The following RIPOR3 variants were observed in gnomAD, a reference collection of about 807,000 sequenced individuals.
RIPOR3 encodes family with sequence similarity 65 member C.
In RIPOR3, 95 loss-of-function variants were observed where a neutral mutation model predicts 114.3. That is an observed-to-expected ratio of 0.83 (90% CI 0.70 to 0.99). The LOEUF is 0.99. Among genes scored for constraint, RIPOR3 ranks in the 50% least tolerant of loss-of-function variants. RIPOR3 has a pLI of 0.00. For missense variants in RIPOR3, 1,252 were observed against 1,266.9 expected (o/e 0.99, Z 0.18); for synonymous variants, 575 against 543.8 (o/e 1.06, Z -0.80).
chr20:50,597,667 A>G lies in RIPOR3; in HGVS notation c.1703T>C (p.Met568Thr), dbSNP rs773075762. The part of the protein sequence containing the change: ...RQEHTSAESL[M>T]ECILESFAFL... Reference sequence around the variant, plus strand: ...GGCGAAGCTCTCCAGGATGCACTCCATCAGGCTCTCGGCCGAGGTGTGCTC... The same window carrying G: ...GGCGAAGCTCTCCAGGATGCACTCCGTCAGGCTCTCGGCCGAGGTGTGCTC... Residue 568 changes from methionine to threonine, a missense_variant, in exon 14 of 22, where the codon ATG (methionine) becomes ACG (threonine). Physicochemically the swap from Met to Thr is moderately conservative, Grantham distance 81. Transcript: ENST00000327979. The G allele has an allele frequency of 1.2e-6, 2 of 1,612,418 alleles. No individual in the cohort carries two copies. Among genetic ancestry groups the G allele is most frequent in the East Asian group, 4.5e-5 (2 of 44,816 alleles).
rs976562747 is a variant in RIPOR3 at position 50,596,065 on chromosome 20, T to G, written c.1914+75A>C. 46 of 1,594,310 alleles carry G rather than the reference T, an allele frequency of 2.9e-5. No individual in the cohort carries two copies. The African/African-American group carries it at 5.8e-4, about 20-fold the overall frequency. ...TCACCCCTTCATGCTTCCCACCACC[T>G]TCAAGATGAGCCTTTGCAAAGAGGA... On this transcript the variant is annotated intron_variant, in intron 15 of 21. Transcript: ENST00000327979.
At position 50,680,497 on chromosome 20, in the gene RIPOR3, C is replaced by G. The variant is rs536226335; in HGVS notation, c.3+10629G>C. ...TAATTGGCAACAGAAATGGAATTTT[C>G]TTCCCCACCTCCCTAAAAAACATAA... is the stretch of plus-strand genomic sequence containing the variant. On this transcript the variant is annotated intron_variant, in intron 1 of 21. Transcript: ENST00000327979. 7.9e-5 allele frequency among the ~76,000 whole-genome samples: 12 copies of G among 152,374 alleles called. No individual in the cohort carries two copies. The East Asian group carries it at 2.3e-3, about 29-fold the overall frequency.
intron 2 of RIPOR3, among the ~76,000 whole-genome samples, chr20:50,624,497 G>T (rs752609682): frequency 2.0e-5 from 3 of 152,188 alleles, no homozygotes; most frequent in Admixed American, 1.3e-4. Context: ...TCCCGGGAAA[G>T]CTCTGAGCCT....
intron 1 of RIPOR3, among the ~76,000 whole-genome samples, chr20:50,633,409 T>A (rs913846377): frequency 3.3e-5 from 5 of 152,168 alleles, no homozygotes; most frequent in Non-Finnish European, 7.3e-5. Flanking sequence ...CAAGTTAGGG[T>A]TTCTGTCTGC....
intron 1 of RIPOR3, among the ~76,000 whole-genome samples, chr20:50,634,869 C>T (rs141212190): frequency 0.025 from 3,834 of 152,246 alleles, 167 homozygotes; most frequent in African/African-American, 0.088. Context: ...CCTGTCTCTA[C>T]TAAAAACACA....
At chr20:50,670,703 A>G (rs2086446613) in intron 1 of RIPOR3, among the ~76,000 whole-genome samples, 1 of 152,146 alleles carries the variant, frequency 6.6e-6, no homozygotes, top group Admixed American at 6.5e-5. Context: ...GAAGTGAGTC[A>G]ATGTATGATT....
chr20:50,679,783 C>T (rs1335609521), intron 1 of RIPOR3, among the ~76,000 whole-genome samples: 3 of 148,078 alleles, frequency 2.0e-5, no homozygotes, highest in African/African-American at 7.4e-5. Context: ...AAAAAAAAAC[C>T]GTCTCTACTA....
At chr20:50,605,788 G>GAA (rs1323549471) in intron 11 of RIPOR3, among the ~76,000 whole-genome samples, 2 of 130,936 alleles carry the variant, frequency 1.5e-5, no homozygotes, top group Non-Finnish European at 3.3e-5. Flanking sequence ...CAAAAAAAAA[G>GAA]AAAAAAAAAA....
chr20:50,599,780 G>T (rs1055884193), intron 13 of RIPOR3, among the ~76,000 whole-genome samples: 38 of 152,214 alleles, frequency 2.5e-4, no homozygotes, highest in African/African-American at 8.4e-4. Context: ...GAATCGCCTC[G>T]AGTATTGATT....
At position 50,597,726 on chromosome 20, in the gene RIPOR3, C is replaced by G; in HGVS notation, c.1660-16G>C. On this transcript the variant is annotated splice_polypyrimidine_tract_variant and intron_variant, in intron 13 of 21. Transcript: ENST00000327979. ...CTCTGCAGGGCTGTGGACGAAGTGGCCAGACCTGAGGGCAACACCGGGCCC... is the reference window on the plus strand; with the variant it reads ...CTCTGCAGGGCTGTGGACGAAGTGGGCAGACCTGAGGGCAACACCGGGCCC... The G allele has an allele frequency of 6.2e-7, 1 of 1,610,740 alleles. No homozygotes were observed. The highest frequency in any genetic ancestry group is 1.1e-5 in the South Asian group (1 of 90,498).
chr20:50,639,356 G>A (rs2085108641), intron 1 of RIPOR3, among the ~76,000 whole-genome samples: 1 of 152,176 alleles, frequency 6.6e-6, no homozygotes, highest in East Asian at 1.9e-4. Context: ...CTGGTACCCA[G>A]GAAGTCTGGC....
chr20:50,592,587 G>T, intron 18 of RIPOR3, 41 bp from the exon 19 acceptor site: 3 of 1,423,280 alleles, frequency 2.1e-6, no homozygotes, highest in South Asian at 3.2e-5. Flanking sequence ...CCCCTGAATG[G>T]GAGTTTGGCA....
At chr20:50,659,457 G>A (rs2085923625) in intron 1 of RIPOR3, among the ~76,000 whole-genome samples, 2 of 151,812 alleles carry the variant, frequency 1.3e-5, no homozygotes, top group Admixed American at 1.3e-4. Context: ...GACCAGACTG[G>A]TTAACATGAC....
intron 12 of RIPOR3, 24 bp downstream of exon 12, chr20:50,604,621 C>T: frequency 1.3e-6 from 2 of 1,596,596 alleles, no homozygotes; most frequent in South Asian, 2.2e-5. Flanking sequence ...CCACAGCGGC[C>T]CTGCCCCGGG....
chr20:50,689,854 G>C (rs760694982), intron 1 of RIPOR3, among the ~76,000 whole-genome samples: 1 of 152,202 alleles, frequency 6.6e-6, no homozygotes, highest in Non-Finnish European at 1.5e-5. Flanking sequence ...GATCAGTACA[G>C]AGCTGCTTTG....
intron 1 of RIPOR3, among the ~76,000 whole-genome samples, chr20:50,665,421 CTTTTTTT>C (rs11471486): frequency 9.3e-6 from 1 of 107,856 alleles, no homozygotes; most frequent in Non-Finnish European, 1.8e-5. Flanking sequence ...CCCCCTCTTC[CTTTTTTT>C]TTTTTTTTTT....
chr20:50,623,279 A>G (rs995241475), intron 2 of RIPOR3, among the ~76,000 whole-genome samples: 4 of 150,314 alleles, frequency 2.7e-5, no homozygotes, highest in East Asian at 1.9e-4. Context: ...AAAAAAAAAA[A>G]GAAAAAAAAG....
intron 1 of RIPOR3, among the ~76,000 whole-genome samples, chr20:50,675,866 CG>C (rs2086661700): frequency 6.6e-6 from 1 of 152,176 alleles, no homozygotes; most frequent in Admixed American, 6.5e-5. Context: ...CAGGGCAAGT[CG>C]AACGGCAGAC....
chr20:50,605,778 CA>C (rs1182652125), intron 11 of RIPOR3, among the ~76,000 whole-genome samples: 4 of 126,486 alleles, frequency 3.2e-5, no homozygotes, highest in Non-Finnish European at 3.3e-5. Context: ...GACTCTATCT[CA>C]AAAAAAAAGA....
Sources: allele counts gnomAD v4.1 joint callset (sites outside exome capture counted in the v4.1 genomes callset), GRCh38; gene constraint gnomAD v4.1.1; transcripts MANE v1.5; gene names NCBI Gene and HGNC (gene_info 2026-07-23, HGNC 2026-07-21).